Variants in HDAC9 observed in about 807,000 individuals in gnomAD.
The protein encoded by HDAC9 is MEF-2 interacting transcription repressor (MITR) protein.
HDAC9 carries 41 observed loss-of-function variants against 139.4 expected under a neutral mutation model. The ratio of observed to expected loss-of-function variants is 0.29; its 90% confidence interval spans 0.23 to 0.38. The LOEUF (loss-of-function observed/expected upper bound fraction) is 0.38, where lower values mean the gene tolerates loss of function less well. HDAC9 is among the 10% of genes least tolerant of loss of function. The pLI is 1.00. For synonymous variants in HDAC9, 517 were observed against 476.2 expected (o/e 1.09, Z -1.12); for missense variants, 1,147 against 1,297.0 (o/e 0.88, Z 1.78).
intron 25 of HDAC9, among the ~76,000 whole-genome samples, chr7:18,982,807 TC>T (rs1477356821): frequency 6.6e-6 from 1 of 152,178 alleles, no homozygotes; most frequent in Non-Finnish European, 1.5e-5. Context: ...CCATTGACAA[TC>T]CGGAGTTTCT....
At chr7:18,880,005 A>G (rs1022549722) in intron 22 of HDAC9, among the ~76,000 whole-genome samples, 1 of 152,172 alleles carries the variant, frequency 6.6e-6, no homozygotes, top group African/African-American at 2.4e-5. Flanking sequence ...AAGGACATGA[A>G]CAGACATTTT....
intron 1 of HDAC9, among the ~76,000 whole-genome samples, chr7:18,342,703 A>G (rs1782107529): frequency 6.6e-6 from 1 of 151,908 alleles, no homozygotes; most frequent in Non-Finnish European, 1.5e-5. Flanking sequence ...CACTGAATAG[A>G]CACATTGCAA....
At chr7:18,637,574 G>T (rs1351218418) in intron 8 of HDAC9, among the ~76,000 whole-genome samples, 1 of 152,034 alleles carries the variant, frequency 6.6e-6, no homozygotes, top group Non-Finnish European at 1.5e-5. Flanking sequence ...AAGGGTAGAG[G>T]TATTTCTTCA....
chr7:18,399,797 A>T (rs1787372919), intron 1 of HDAC9, among the ~76,000 whole-genome samples: 1 of 152,216 alleles, frequency 6.6e-6, no homozygotes, highest in Non-Finnish European at 1.5e-5. Context: ...GCCACATTCC[A>T]GGAAAGAAGC....
rs201880017 is a variant in HDAC9, at chr7:18,767,155, G to T, written c.2214G>T (p.Gly738=). 28 of 1,569,032 alleles carry T rather than the reference G, an allele frequency of 1.8e-5. No homozygotes were observed. The highest frequency in any genetic ancestry group is 2.4e-5 in the Non-Finnish European group (28 of 1,151,950). Residue 738 remains glycine (G), a splice_region_variant and synonymous_variant, in exon 16 of 26, where the codon GGG becomes GGT. Coordinates refer to ENST00000686413, the MANE Select transcript of HDAC9 (RefSeq NM_178425.4). ...FFSSLPCGGL[G]VDSDTIWNEL... is the part of the protein sequence containing the mutation. ...CCTCATTACCTTGTGGTGGACTTGG[G>T]GTAAGTACAAGTTGGTTTACTGCCT... is the stretch of plus-strand genomic sequence containing the variant.
intron 1 of HDAC9, among the ~76,000 whole-genome samples, chr7:18,115,058 A>G (rs1285672926): frequency 6.6e-6 from 1 of 152,164 alleles, no homozygotes; most frequent in African/African-American, 2.4e-5. Context: ...TTGAGAGGCC[A>G]ACGTGGGAGG....
intron 13 of HDAC9, among the ~76,000 whole-genome samples, chr7:18,741,337 C>T (rs1787432760): frequency 6.6e-6 from 1 of 152,196 alleles, no homozygotes; most frequent in Admixed American, 6.5e-5. Flanking sequence ...GCTCATTTCC[C>T]TTCCTCAAAA....
At chr7:18,338,941 A>T (rs1781787618) in intron 1 of HDAC9, among the ~76,000 whole-genome samples, 1 of 151,538 alleles carries the variant, frequency 6.6e-6, no homozygotes, top group Non-Finnish European at 1.5e-5. Context: ...CAAATCCTTT[A>T]ATAAATATCG....
At chr7:18,375,195 T>G (rs1235909459) in intron 1 of HDAC9, among the ~76,000 whole-genome samples, 2 of 152,158 alleles carry the variant, frequency 1.3e-5, no homozygotes, top group Admixed American at 6.5e-5. Context: ...CTTGGCTGGG[T>G]GAGGCGGCTC....
At chr7:18,984,229 G>A (rs1785145476) in intron 25 of HDAC9, among the ~76,000 whole-genome samples, 1 of 151,864 alleles carries the variant, frequency 6.6e-6, no homozygotes, top group African/African-American at 2.4e-5. Context: ...CACAAATTAG[G>A]TACTCAAGAT....
At chr7:18,555,050 G>C (rs1330424926) in intron 2 of HDAC9, among the ~76,000 whole-genome samples, 2 of 152,122 alleles carry the variant, frequency 1.3e-5, no homozygotes, top group African/African-American at 4.8e-5. Flanking sequence ...TATAGTTGAT[G>C]AAAACATATA....
intron 1 of HDAC9, among the ~76,000 whole-genome samples, chr7:18,382,090 C>T (rs762966958): frequency 2.0e-5 from 3 of 152,030 alleles, no homozygotes; most frequent in Admixed American, 6.6e-5. Context: ...AGTAAATCAT[C>T]TTGGTAGACC....
At chr7:18,418,288 AGT>A (rs1213637624) in intron 1 of HDAC9, among the ~76,000 whole-genome samples, 1 of 152,308 alleles carries the variant, frequency 6.6e-6, no homozygotes, top group East Asian at 1.9e-4. Flanking sequence ...TAACTACCAA[AGT>A]GTCCACTTCA....
At chr7:18,786,471 G>A (rs6971780) in intron 16 of HDAC9, among the ~76,000 whole-genome samples, 1 of 35,406 alleles carries the variant, frequency 2.8e-5, no homozygotes, top group African/African-American at 6.7e-5. Context: ...CCTTCCTTTC[G>A]TCCTTCCTTC....
chr7:18,728,816 G>A (rs960126256), intron 13 of HDAC9, among the ~76,000 whole-genome samples: 2 of 152,138 alleles, frequency 1.3e-5, no homozygotes, highest in African/African-American at 4.8e-5. Flanking sequence ...GAATGAAATA[G>A]CCAAGTTAAT....
At chr7:18,218,192 C>A (rs1329203874) in intron 2 of HDAC9, among the ~76,000 whole-genome samples, 1 of 152,138 alleles carries the variant, frequency 6.6e-6, no homozygotes, top group African/African-American at 2.4e-5. Context: ...GCCTATAATT[C>A]TAGCAGTTTG....
At chr7:18,824,896 A>C (rs1049924956) in intron 17 of HDAC9, among the ~76,000 whole-genome samples, 2 of 151,964 alleles carry the variant, frequency 1.3e-5, no homozygotes, top group African/African-American at 4.9e-5. Context: ...ATATAACTGC[A>C]TACATTTGAG....
intron 22 of HDAC9, among the ~76,000 whole-genome samples, chr7:18,886,946 A>C (rs1800208030): frequency 6.6e-6 from 1 of 152,232 alleles, no homozygotes; most frequent in South Asian, 2.1e-4. Context: ...TTCATCTTAC[A>C]AATCAAATCA....
intron 1 of HDAC9, among the ~76,000 whole-genome samples, chr7:18,442,688 C>T (rs577721995): frequency 2.0e-5 from 3 of 152,190 alleles, no homozygotes; most frequent in African/African-American, 2.4e-5. Flanking sequence ...TACTGTCTTA[C>T]TACTTTACAA....
Sources: gnomAD v4.1 joint callset for allele counts (sites outside exome capture counted in the v4.1 genomes callset) on GRCh38, gnomAD v4.1.1 for gene constraint, MANE v1.5 for transcripts, NCBI Gene and HGNC (gene_info 2026-07-23, HGNC 2026-07-21) for gene names.